Variants in TCEA2 observed in about 807,000 individuals in gnomAD.
The protein encoded by TCEA2 is transcription elongation factor A protein 2.
In TCEA2, 21 loss-of-function variants were observed where a neutral mutation model predicts 40.8. The observed-to-expected ratio is 0.51, with a 90% CI of 0.36 to 0.74. The LOEUF is 0.74. Among genes scored for constraint, TCEA2 ranks in the 30% least tolerant of loss-of-function variants. The probability of loss-of-function intolerance (pLI) is 0.00; values close to 1 mark genes in which losing one functional copy is unlikely to be tolerated. For missense variants in TCEA2, 326 were observed against 426.5 expected, an observed-to-expected ratio of 0.76 and a Z score of 2.08; for synonymous variants, 165 against 162.7, an observed-to-expected ratio of 1.01 and a Z score of -0.11.
upstream of TCEA2, among the ~76,000 whole-genome samples, chr20:64,062,270 G>A (rs1464207132): frequency 6.6e-6 from 1 of 152,182 alleles, no homozygotes; most frequent in Non-Finnish European, 1.5e-5. Context: ...GAGCTGCCAG[G>A]CAGTGGTGGG....
At chr20:64,070,465 T>C in intron 7 of TCEA2, 24 bp from the exon 8 acceptor site, 2 of 1,613,604 alleles carry the variant, frequency 1.2e-6, no homozygotes. Flanking sequence ...AGCGGTGGGC[T>C]AAGCCACTGG....
Position 64,063,217 on chromosome 20 carries a change from T to TGCGGCGGGTGTGGGAGGTGGCG in TCEA2, c.-95_-74dup. On this transcript the variant is annotated 5_prime_UTR_variant, in exon 1 of 10. Coordinates refer to ENST00000343484, the MANE Select transcript of TCEA2 (RefSeq NM_003195.6). Reference sequence around the variant, plus strand: ...TCGTCCGCGGCGGGGCTGCGTCGGCTGCGGCGGGTGTGGGAGGTGGCGACG... The same window carrying TGCGGCGGGTGTGGGAGGTGGCG: ...TCGTCCGCGGCGGGGCTGCGTCGGCTGCGGCGGGTGTGGGAGGTGGCGGCGGCGGGTGTGGGAGGTGGCGACG... The TGCGGCGGGTGTGGGAGGTGGCG allele has an allele frequency of 9.0e-7, 1 of 1,105,352 alleles. No homozygotes were observed. Among genetic ancestry groups the TGCGGCGGGTGTGGGAGGTGGCG allele is most frequent in the Admixed American group, 4.4e-5 (1 of 22,858 alleles). 68.5% of individuals were successfully genotyped at this position (1,105,352 alleles called of 1,614,324 possible). A position where few individuals can be genotyped will look rare whatever the true frequency, so the allele number is the denominator to read the frequency against.
At chr20:64,068,279 G>T in intron 4 of TCEA2, 145 bp downstream of exon 4, 1 of 739,980 alleles carries the variant, frequency 1.4e-6, no homozygotes, top group Non-Finnish European at 2.3e-6. Context: ...CACCAGCCTT[G>T]TGGTGTGTCC....
upstream of TCEA2, among the ~76,000 whole-genome samples, chr20:64,055,599 G>A (rs568711957): frequency 1.3e-5 from 2 of 152,302 alleles, no homozygotes; most frequent in South Asian, 2.1e-4. This position sits in a 1 kb window ranked among gnomAD's most constrained non-coding sequence, Gnocchi z 4.0. Flanking sequence ...GAGAGGAGGG[G>A]ATGAGGCTCA....
intron 1 of TCEA2, chr20:64,064,195 C>T (rs1005063985): frequency 6.6e-6 from 1 of 152,280 alleles, no homozygotes; most frequent in African/African-American, 2.4e-5. Flanking sequence ...AGCCGGTGTG[C>T]TTATATAAGA....
Position 64,070,328 on chromosome 20 carries a change from C to A in TCEA2, c.586C>A (p.Leu196Met). The A allele has an allele frequency of 6.2e-7, 1 of 1,614,234 alleles. No individual in the cohort carries two copies. The highest frequency in any genetic ancestry group is 8.5e-7 in the Non-Finnish European group (1 of 1,180,042). The change falls in exon 7 of 10, where the codon CTG becomes ATG. Residue 196 changes from leucine (L) to methionine (M), a missense_variant. Coordinates refer to ENST00000343484, the MANE Select transcript of TCEA2 (RefSeq NM_003195.6). ...CCGTGTACGGAGTCGTATCTCCAAC[C>A]TGAAGGATGCCAAGAACCCTGACCT... ...KNRVRSRISN[L>M]KDAKNPDLRR...
rs1350127510 is a variant in TCEA2 at position 64,069,810 on chromosome 20, A to G, written c.506A>G (p.Gln169Arg). The change falls in exon 6 of 10, where the codon CAG (glutamine) becomes CGG (arginine). Residue 169 changes from glutamine (Q) to arginine (R), a missense_variant. By Grantham distance (43) the Gln-to-Arg change is conservative. Transcript: ENST00000343484. The part of the protein sequence containing the change: ...IGADCERLSA[Q>R]IEECIFRDVG... Reference sequence around the variant, plus strand: ...GCGGACTGCGAGCGCCTGTCGGCTCAGATCGAGGAATATATCCTTTGGGTA... The same window carrying G: ...GCGGACTGCGAGCGCCTGTCGGCTCGGATCGAGGAATATATCCTTTGGGTA... 6.2e-7 allele frequency: 1 copy of G among 1,613,762 alleles called. No individual in the cohort carries two copies. Among genetic ancestry groups the G allele is most frequent in the African/African-American group, 1.3e-5 (1 of 74,934 alleles).
At chr20:64,069,087 C>T (rs2059763688) in intron 4 of TCEA2, among the ~76,000 whole-genome samples, 2 of 152,364 alleles carry the variant, frequency 1.3e-5, no homozygotes, top group South Asian at 4.1e-4. Flanking sequence ...ATGCTGACTG[C>T]TGGGTCTGGG....
rs771001507 is a variant in TCEA2, at chr20:64,070,546, C to T, written c.730C>T (p.Arg244Ter). 3.7e-6 allele frequency: 6 copies of T among 1,613,778 alleles called. No homozygotes were observed. Among genetic ancestry groups the T allele is most frequent in the Admixed American group, 1.7e-5 (1 of 60,008 alleles). Residue 244 changes from arginine (R) to a stop codon, truncating the protein, a stop_gained, in exon 8 of 10, where the codon CGA becomes TGA. Coordinates refer to ENST00000343484, the MANE Select transcript of TCEA2 (RefSeq NM_003195.6). LOFTEE classifies it high-confidence loss of function. Reference protein sequence around the residue: ...IRKAMTKEAIREHQMARTGGT... With the variant: ...IRKAMTKEAI ...TAAGGCCATGACCAAGGAGGCCATC[C>T]GAGAGCACCAGATGGCCCGCACTGG...
chr20:64,055,903 C>A (rs887164288), upstream of TCEA2, among the ~76,000 whole-genome samples: 2 of 152,112 alleles, frequency 1.3e-5, no homozygotes, highest in African/African-American at 4.8e-5. The surrounding 1 kb of genome is among the most constrained non-coding windows in gnomAD (Gnocchi z 4.0). Context: ...CCTCAGGGAA[C>A]CCTGGTTTTG....
intron 1 of TCEA2, 36 bp from the exon 2 acceptor site, chr20:64,066,440 T>C: frequency 6.2e-7 from 1 of 1,610,322 alleles, no homozygotes; most frequent in Non-Finnish European, 8.5e-7. Context: ...TGTTGAGATC[T>C]AAAGTCCTTT....
rs544532703 is a variant in TCEA2, at chr20:64,069,141, CT to C, written c.330-219del. ...GAGTACACCCTGACCCACTGGGGAC[CT>C]CATGGCCCTCTCCCTCCTGGCTGCT... On this transcript the variant is annotated intron_variant, in intron 4 of 9. Coordinates refer to ENST00000343484, the MANE Select transcript of TCEA2 (RefSeq NM_003195.6). Among the ~76,000 whole-genome samples the C allele has an allele frequency of 1.6e-4, 25 of 152,346 alleles. No homozygotes were observed. In the South Asian group the frequency reaches 5.2e-3, roughly 32 times the overall value.
Position 64,071,935 on chromosome 20 carries a change from C to G in TCEA2, c.885C>G (p.Arg295=), listed in dbSNP as rs560557990. The part of the protein sequence containing the change: ...TFVVCNECGN[R]WKFC ...TTGTCTGCAACGAGTGTGGAAACCGCTGGAAGGTGGGTGAGCAGGCTCAGG... is the reference window on the plus strand; with the variant it reads ...TTGTCTGCAACGAGTGTGGAAACCGGTGGAAGGTGGGTGAGCAGGCTCAGG... The change falls in exon 9 of 10, where the codon CGC becomes CGG. Residue 295 remains arginine (R), a synonymous_variant. Transcript: ENST00000343484. 9 of 1,614,050 alleles carry G rather than the reference C, an allele frequency of 5.6e-6. No homozygotes were observed. The highest frequency in any genetic ancestry group is 6.8e-6 in the Non-Finnish European group (8 of 1,180,042).
chr20:64,056,485 C>T (rs188349078), upstream of TCEA2, among the ~76,000 whole-genome samples: 1 of 152,114 alleles, frequency 6.6e-6, no homozygotes, highest in East Asian at 1.9e-4. Flanking sequence ...GCAGAGACGG[C>T]TCCTAGGTGC....
chr20:64,064,871 T>A, intron 1 of TCEA2, among the ~76,000 whole-genome samples: 1 of 149,126 alleles, frequency 6.7e-6, no homozygotes, highest in African/African-American at 2.5e-5. Flanking sequence ...GAGAATGGAG[T>A]TGTTCCCCTT....
Position 64,068,102 on chromosome 20 carries a change from C to T in TCEA2, c.297C>T (p.Ser99=), listed in dbSNP as rs780123686. 2 of 1,609,884 alleles carry T rather than the reference C, an allele frequency of 1.2e-6. No homozygotes were observed. Among genetic ancestry groups the T allele is most frequent in the African/African-American group, 1.3e-5 (1 of 74,844 alleles). ...ERGRGMPLPT[S]SRDASEAPDP... ...GGAGGGGCATGCCTCTGCCCACGTC[C>T]TCGAGGGATGCCTCAGAGGCCCCGG... is the stretch of plus-strand genomic sequence containing the variant. Residue 99 remains serine (S), a synonymous_variant, in exon 4 of 10, where the codon TCC becomes TCT. Transcript: ENST00000343484.
chr20:64,069,888 C>A, intron 6 of TCEA2, 67 bp downstream of exon 6: 1 of 1,576,576 alleles, frequency 6.3e-7, no homozygotes, highest in Non-Finnish European at 8.7e-7. Flanking sequence ...TGGCCTGGTG[C>A]CCTCTGGTGG....
At chr20:64,070,779 C>T (rs1025885991) in intron 8 of TCEA2, 144 bp downstream of exon 8, 1 of 1,220,036 alleles carries the variant, frequency 8.2e-7, no homozygotes, top group Non-Finnish European at 1.1e-6. Flanking sequence ...GCATGATGGC[C>T]ACCTTCAGGG....
At chr20:64,062,054 ATTTTCC>A (rs2059576971), upstream of TCEA2, among the ~76,000 whole-genome samples, 1 of 152,116 alleles carries the variant, frequency 6.6e-6, no homozygotes, top group Non-Finnish European at 1.5e-5. Flanking sequence ...AACTGACCAT[ATTTTCC>A]TTTTCATTTT....
Sources: gnomAD v4.1 joint callset for allele counts (sites outside exome capture counted in the v4.1 genomes callset) on GRCh38, gnomAD v4.1.1 for gene constraint, Gnocchi (gnomAD v3.1) non-coding constraint, MANE v1.5 for transcripts, NCBI Gene and HGNC (gene_info 2026-07-23, HGNC 2026-07-21) for gene names.